FBXO28: variants seen among roughly 807,000 people sequenced by gnomAD.
FBXO28 encodes the protein F-box only protein 28.
A neutral mutation model predicts 38.1 loss-of-function variants in FBXO28; 8 were observed. The ratio of observed to expected loss-of-function variants is 0.21; its 90% confidence interval spans 0.12 to 0.38. The LOEUF (loss-of-function observed/expected upper bound fraction) is 0.38, where lower values mean the gene tolerates loss of function less well. Ranked by LOEUF, FBXO28 falls within the 10% of genes least tolerant of loss-of-function variation. The pLI, the probability that FBXO28 is intolerant of heterozygous loss-of-function variation, is 1.00. For missense variants in FBXO28, 345 were observed against 460.6 expected, an observed-to-expected ratio of 0.75 and a Z score of 2.30; for synonymous variants, 168 against 173.8, an observed-to-expected ratio of 0.97 and a Z score of 0.26.
At chr1:224,119,222 C>A (rs949062995) in intron 1 of FBXO28, among the ~76,000 whole-genome samples, 1 of 143,040 alleles carries the variant, frequency 7.0e-6, no homozygotes, top group Admixed American at 7.7e-5. Context: ...CAAACTCTGC[C>A]TCCCAGGTTC....
At chr1:224,118,442 A>T (rs1192285031) in intron 1 of FBXO28, among the ~76,000 whole-genome samples, 3 of 152,196 alleles carry the variant, frequency 2.0e-5, no homozygotes, top group Non-Finnish European at 4.4e-5. Context: ...TTTAATTGGA[A>T]TCATATTAGT....
At chr1:224,123,501 A>T (rs1046722848) in intron 1 of FBXO28, among the ~76,000 whole-genome samples, 1 of 151,390 alleles carries the variant, frequency 6.6e-6, no homozygotes, top group Non-Finnish European at 1.5e-5. Flanking sequence ...TGATTCTAAG[A>T]TATAAGGGTC....
intron 4 of FBXO28, among the ~76,000 whole-genome samples, chr1:224,154,374 A>G (rs965062217): frequency 6.6e-6 from 1 of 152,226 alleles, no homozygotes; most frequent in Non-Finnish European, 1.5e-5. Context: ...TGTAAAGTCA[A>G]AAAATCATTA....
intron 3 of FBXO28, among the ~76,000 whole-genome samples, chr1:224,143,353 G>A (rs941622216): frequency 6.6e-6 from 1 of 152,160 alleles, no homozygotes; most frequent in Non-Finnish European, 1.5e-5. Context: ...ACATCTCAGA[G>A]CTGTGCCTGT....
chr1:224,142,106 C>G (rs543979260), intron 3 of FBXO28, among the ~76,000 whole-genome samples: 5 of 147,276 alleles, frequency 3.4e-5, no homozygotes, highest in Non-Finnish European at 7.5e-5. Context: ...AATCCCAGCA[C>G]TTTGGGAGGC....
intron 1 of FBXO28, among the ~76,000 whole-genome samples, chr1:224,120,610 C>T (rs1460213094): frequency 6.6e-6 from 1 of 152,160 alleles, no homozygotes; most frequent in Non-Finnish European, 1.5e-5. Flanking sequence ...CGCCTGTAAT[C>T]CCAGCACTTT....
chr1:224,142,017 GT>G (rs1180011544), intron 3 of FBXO28, among the ~76,000 whole-genome samples: 1 of 150,340 alleles, frequency 6.7e-6, no homozygotes, highest in East Asian at 2.0e-4. Context: ...GACCTCCCAA[GT>G]ACCTGGGACT....
At chr1:224,146,529 G>A (rs1657508444) in intron 3 of FBXO28, among the ~76,000 whole-genome samples, 1 of 151,978 alleles carries the variant, frequency 6.6e-6, no homozygotes, top group Admixed American at 6.6e-5. Flanking sequence ...TTAGACATAA[G>A]CGTGGTACTT....
chr1:224,132,081 T>C (rs61022093), intron 2 of FBXO28, among the ~76,000 whole-genome samples: 6,100 of 151,614 alleles, frequency 0.04, 370 homozygotes, highest in African/African-American at 0.13. Context: ...AGTAAAACCC[T>C]GTCTCTACTA....
In FBXO28 at chr1:224,147,240, T is replaced by G. The variant is rs1229008631; in HGVS notation, c.517-5902T>G. On this transcript the variant is annotated intron_variant, in intron 3 of 4. Transcript: ENST00000366862. Reference sequence around the variant, plus strand: ...GAGTTCAAGACCAGCCTGACCAATATGGTGAACCCGCATCTCTACTAAAAA... The same window carrying G: ...GAGTTCAAGACCAGCCTGACCAATAGGGTGAACCCGCATCTCTACTAAAAA... 7.3e-5 allele frequency among the ~76,000 whole-genome samples: 11 copies of G among 151,452 alleles called. No homozygotes were observed. The South Asian group carries it at 1.9e-3, about 26-fold the overall frequency.
At chr1:224,119,593 A>T (rs1656725809) in intron 1 of FBXO28, among the ~76,000 whole-genome samples, 1 of 152,148 alleles carries the variant, frequency 6.6e-6, no homozygotes. Flanking sequence ...AACTCTGTCC[A>T]CTGTGTCGTC....
At chr1:224,129,717 C>T (rs573142776) in intron 1 of FBXO28, among the ~76,000 whole-genome samples, 4 of 152,208 alleles carry the variant, frequency 2.6e-5, no homozygotes, top group East Asian at 3.9e-4. Context: ...AGGCTGGGCA[C>T]GGTGGCTCAC....
rs2102616700 is a variant in FBXO28 at position 224,130,453 on chromosome 1, T to TTG, written c.268-18_268-17insGT. ...TTATTAATTTGGTTATTGATTTTTGTTCTTTTTTCTCCTTGAAGGTTTGTA... is the reference window on the plus strand; with the variant it reads ...TTATTAATTTGGTTATTGATTTTTGTTGTCTTTTTTCTCCTTGAAGGTTTGTA... On this transcript the variant is annotated intron_variant, in intron 1 of 4. Transcript: ENST00000366862. The TTG allele has an allele frequency of 6.3e-7, 1 of 1,582,380 alleles. No individual in the cohort carries two copies. The highest frequency in any genetic ancestry group is 2.2e-5 in the East Asian group (1 of 44,714).
At chr1:224,127,321 GT>G (rs1321774932) in intron 1 of FBXO28, among the ~76,000 whole-genome samples, 10 of 152,116 alleles carry the variant, frequency 6.6e-5, no homozygotes, top group African/African-American at 2.4e-4. Context: ...ACGTGCACTT[GT>G]GTGTTCTTGT....
rs146981807 is a variant in FBXO28, at chr1:224,142,957, C to G, written c.516+8745C>G. 2.3e-3 allele frequency among the ~76,000 whole-genome samples: 344 copies of G among 151,378 alleles called. 4 individuals carry two copies. Among genetic ancestry groups the G allele is most frequent in the African/African-American group, 7.8e-3 (321 of 41,238 alleles). On this transcript the variant is annotated intron_variant, in intron 3 of 4. Coordinates refer to ENST00000366862, the MANE Select transcript of FBXO28 (RefSeq NM_015176.4). Reference sequence around the variant, plus strand: ...AGACACTCTGTCATAAATAAATAATCGTGCCACTGAACTCCAGCCTGGGGG... The same window carrying G: ...AGACACTCTGTCATAAATAAATAATGGTGCCACTGAACTCCAGCCTGGGGG...
intron 1 of FBXO28, among the ~76,000 whole-genome samples, chr1:224,122,348 T>TA (rs1177367771): frequency 6.6e-6 from 1 of 152,252 alleles, no homozygotes; most frequent in East Asian, 1.9e-4. Flanking sequence ...GGAACATTCT[T>TA]ATTTTACCAA....
chr1:224,145,992 G>A (rs1374526566), intron 3 of FBXO28, among the ~76,000 whole-genome samples: 1 of 152,004 alleles, frequency 6.6e-6, no homozygotes, highest in African/African-American at 2.4e-5. Flanking sequence ...CTTGTATCCG[G>A]GAGGTGGAGG....
intron 3 of FBXO28, among the ~76,000 whole-genome samples, chr1:224,143,058 G>A (rs1270364253): frequency 6.6e-6 from 1 of 151,782 alleles, no homozygotes; most frequent in Non-Finnish European, 1.5e-5. Context: ...AAATAAATAA[G>A]CAACCAAGCA....
intron 3 of FBXO28, among the ~76,000 whole-genome samples, chr1:224,147,963 G>T (rs1657550895): frequency 6.6e-6 from 1 of 151,992 alleles, no homozygotes; most frequent in Non-Finnish European, 1.5e-5. Flanking sequence ...GAAGCAGTAT[G>T]GTTCTCACAC....
Sources: allele counts gnomAD v4.1 joint callset (sites outside exome capture counted in the v4.1 genomes callset), GRCh38; gene constraint gnomAD v4.1.1; transcripts MANE v1.5; gene names NCBI Gene and HGNC (gene_info 2026-07-23, HGNC 2026-07-21).